HSPA13: variants seen among roughly 807,000 people sequenced by gnomAD.
HSPA13 encodes the protein heat shock 70 kDa protein 13.
In HSPA13, 29 loss-of-function variants were observed where a neutral mutation model predicts 38.8. That is an observed-to-expected ratio of 0.75 (90% CI 0.56 to 1.02). The LOEUF (loss-of-function observed/expected upper bound fraction) is 1.02, where lower values mean the gene tolerates loss of function less well. Ranked by LOEUF, HSPA13 falls within the 50% of genes least tolerant of loss-of-function variation. The pLI is 0.00. For missense variants in HSPA13, 451 were observed against 560.9 expected (o/e 0.80, Z 1.98); for synonymous variants, 192 against 205.3 (o/e 0.94, Z 0.56).
Position 14,373,805 on chromosome 21 carries a change from G to A in HSPA13, c.1228C>T (p.Arg410Cys), listed in dbSNP as rs1982886084. The change falls in exon 5 of 5, where the codon CGT becomes TGT. Residue 410 changes from arginine (R) to cysteine (C), a missense_variant. Arg to Cys is a radical substitution (Grantham distance 180, BLOSUM62 -3). Coordinates refer to ENST00000285667, the MANE Select transcript of HSPA13 (RefSeq NM_006948.5). The stretch of plus-strand genomic sequence containing the variant: ...ATGACTTGACGGATCCGAGGAATAC[G>A]AGTGGAGCCCCCAACTAAAACCACC... ...DEVVLVGGST[R>C]IPRIRQVIQE... The A allele has an allele frequency of 1.9e-6, 3 of 1,614,154 alleles. No individual in the cohort carries two copies. The highest frequency in any genetic ancestry group is 2.5e-6 in the Non-Finnish European group (3 of 1,180,026).
At chr21:14,374,736 G>A (rs2822640) in intron 4 of HSPA13, among the ~76,000 whole-genome samples, 24,460 of 152,102 alleles carry the variant, frequency 0.16, 2,147 homozygotes, top group Middle Eastern at 0.23. Flanking sequence ...TAGAGATTAA[G>A]AATACAGATT....
rs1270887613 is a variant in HSPA13 at position 14,374,353 on chromosome 21, G to A, written c.749-69C>T. On this transcript the variant is annotated intron_variant, in intron 4 of 4. Coordinates refer to ENST00000285667, the MANE Select transcript of HSPA13 (RefSeq NM_006948.5). The stretch of plus-strand genomic sequence containing the variant: ...TGTATGTATACACGTATGTTATTAT[G>A]TATACGTAAAAATTATATTCTGGGA... 7 of 1,087,688 alleles carry A rather than the reference G, an allele frequency of 6.4e-6. No homozygotes were observed. The Admixed American group carries it at 1.4e-4, about 22-fold the overall frequency. 67.4% of individuals were successfully genotyped at this position (1,087,688 alleles called of 1,614,324 possible).
In HSPA13 at chr21:14,372,277, G is replaced by A. The variant is rs568663057; in HGVS notation, c.*1340C>T. On this transcript the variant is annotated 3_prime_UTR_variant, in exon 5 of 5. Transcript: ENST00000285667. ...GGATATAATTTTTGAATAATATGAA[G>A]CATTCCTCTATTAAGGAAAATATGT... The A allele has an allele frequency of 1.2e-4, 18 of 151,910 alleles. No individual in the cohort carries two copies. The East Asian group carries it at 3.3e-3, about 28-fold the overall frequency. The allele number at this position is 151,910 out of a possible 1,614,324, so 9.4% of individuals were successfully genotyped here.
chr21:14,372,303 A>T lies in HSPA13; in HGVS notation c.*1314T>A, dbSNP rs1323535453. On this transcript the variant is annotated 3_prime_UTR_variant, in exon 5 of 5. Coordinates refer to ENST00000285667, the MANE Select transcript of HSPA13 (RefSeq NM_006948.5). ...CATTCCTCTATTAAGGAAAATATGT[A>T]TATATATATATAATCTGTATCCATA... The T allele has an allele frequency of 5.9e-5, 9 of 151,460 alleles. No homozygotes were observed. The highest frequency in any genetic ancestry group is 2.2e-4 in the African/African-American group (9 of 41,304). The allele number at this position is 151,460 out of a possible 1,614,324, so 9.4% of individuals were successfully genotyped here.
chr21:14,378,435 A>C, intron 2 of HSPA13, 23 bp from the exon 3 acceptor site: 1 of 1,483,496 alleles, frequency 6.7e-7, no homozygotes, highest in Non-Finnish European at 9.4e-7. Context: ...TTTGCAAATA[A>C]GTAAATAAAT....
Position 14,372,632 on chromosome 21 carries a change from A to G in HSPA13, c.*985T>C, listed in dbSNP as rs1047920304. Reference sequence around the variant, plus strand: ...TAATTGAGCACATTTTCCTCATTCAAAACTAAATATGAGGAAAAATCTCCG... The same window carrying G: ...TAATTGAGCACATTTTCCTCATTCAGAACTAAATATGAGGAAAAATCTCCG... On this transcript the variant is annotated 3_prime_UTR_variant, in exon 5 of 5. Coordinates refer to ENST00000285667, the MANE Select transcript of HSPA13 (RefSeq NM_006948.5). 2.6e-5 allele frequency: 4 copies of G among 152,190 alleles called. No homozygotes were observed. Among genetic ancestry groups the G allele is most frequent in the African/African-American group, 9.6e-5 (4 of 41,456 alleles). 9.4% of individuals were successfully genotyped at this position (152,190 alleles called of 1,614,324 possible). A position where few individuals can be genotyped will look rare whatever the true frequency, so the allele number is the denominator to read the frequency against.
At chr21:14,381,964 G>C (rs1984182107) in intron 1 of HSPA13, among the ~76,000 whole-genome samples, 1 of 151,964 alleles carries the variant, frequency 6.6e-6, no homozygotes, top group African/African-American at 2.4e-5. Context: ...TTTTTTAAAA[G>C]CTCCATTATT....
In HSPA13 at chr21:14,372,098, T is replaced by A. The variant is rs1165330296; in HGVS notation, c.*1519A>T. On this transcript the variant is annotated 3_prime_UTR_variant, in exon 5 of 5. Coordinates refer to ENST00000285667, the MANE Select transcript of HSPA13 (RefSeq NM_006948.5). Reference sequence around the variant, plus strand: ...TTAGATATGAAAAATATTAGTAACATTCAGCTTTTTACTATGAGAAGCTGA... The same window carrying A: ...TTAGATATGAAAAATATTAGTAACAATCAGCTTTTTACTATGAGAAGCTGA... The A allele has an allele frequency of 6.6e-6, 1 of 152,072 alleles. No individual in the cohort carries two copies. 9.4% of individuals were successfully genotyped at this position (152,072 alleles called of 1,614,324 possible).
intron 1 of HSPA13, 92 bp from the exon 2 acceptor site, chr21:14,381,635 A>G: frequency 1.6e-5 from 18 of 1,145,942 alleles, no homozygotes; most frequent in Non-Finnish European, 2.1e-5. Context: ...TCACTCGTTG[A>G]AACAAGGCTA....
rs1984005485 is a variant in HSPA13 at position 14,375,765 on chromosome 21, C to T, written c.635G>A (p.Gly212Asp). 1 of 1,613,918 alleles carries T rather than the reference C, an allele frequency of 6.2e-7. No individual in the cohort carries two copies. The highest frequency in any genetic ancestry group is 8.5e-7 in the Non-Finnish European group (1 of 1,179,944). Residue 212 changes from glycine (G) to aspartate (D), a missense_variant, in exon 4 of 5, where the codon GGT (glycine) becomes GAT (aspartate). Physicochemically the swap from Gly to Asp is moderately conservative, Grantham distance 94. Transcript: ENST00000285667. ...GTGGAAGACGTCAGCCTTGTGGAGA[C>T]CATAGGCCATAGCTGCTGCTGTGGG... ...NEPTAAAMAY[G>D]LHKADVFHVL...
rs1011246675 is a variant in HSPA13 at position 14,371,463 on chromosome 21, T to C, written c.*2154A>G. The C allele has an allele frequency of 6.6e-6, 1 of 152,178 alleles. No individual in the cohort carries two copies. The highest frequency in any genetic ancestry group is 1.9e-4 in the East Asian group (1 of 5,204). 9.4% of individuals were successfully genotyped at this position (152,178 alleles called of 1,614,324 possible). On this transcript the variant is annotated 3_prime_UTR_variant, in exon 5 of 5. Coordinates refer to ENST00000285667, the MANE Select transcript of HSPA13 (RefSeq NM_006948.5). The stretch of plus-strand genomic sequence containing the variant: ...CATAAATGATCCCTTTCAGGATGCA[T>C]TATCTTTTAAATAAATAAACTAAAT...
Position 14,372,186 on chromosome 21 carries a change from TC to T in HSPA13, c.*1430del, listed in dbSNP as rs1196754918. The T allele has an allele frequency of 2.0e-5, 3 of 151,920 alleles. No individual in the cohort carries two copies. The highest frequency in any genetic ancestry group is 4.4e-5 in the Non-Finnish European group (3 of 67,892). The allele number at this position is 151,920 out of a possible 1,614,324, so 9.4% of individuals were successfully genotyped here. A position where few individuals can be genotyped will look rare whatever the true frequency, so the allele number is the denominator to read the frequency against. On this transcript the variant is annotated 3_prime_UTR_variant, in exon 5 of 5. Transcript: ENST00000285667. ...TTTTTTGGTGACCAGCATTTCAACA[TC>T]CTATCGAATTCAGCAATGGATAAAG...
chr21:14,375,889 C>A, intron 3 of HSPA13, 70 bp from the exon 4 acceptor site: 3 of 1,259,960 alleles, frequency 2.4e-6, no homozygotes, highest in Non-Finnish European at 3.4e-6. Context: ...CCACTTACAG[C>A]ATGTTTGTGT....
chr21:14,382,352 C>T (rs1984191155), intron 1 of HSPA13, among the ~76,000 whole-genome samples: 1 of 151,944 alleles, frequency 6.6e-6, no homozygotes, highest in Non-Finnish European at 1.5e-5. Flanking sequence ...GGAACAAATG[C>T]CACGCAGATT....
Position 14,374,094 on chromosome 21 carries a change from C to T in HSPA13, c.939G>A (p.Val313=), listed in dbSNP as rs1286938400. 9 of 1,614,052 alleles carry T rather than the reference C, an allele frequency of 5.6e-6. No individual in the cohort carries two copies. The highest frequency in any genetic ancestry group is 2.2e-5 in the East Asian group (1 of 44,892). ...QSAQLSVLLT[V]EEQDRKEPHS... is the part of the protein sequence containing the mutation. ...GAGGTTCCTTCCTGTCCTGCTCCTCCACCGTTAGTAATACTGACAACTGAG... is the reference window on the plus strand; with the variant it reads ...GAGGTTCCTTCCTGTCCTGCTCCTCTACCGTTAGTAATACTGACAACTGAG... Residue 313 remains valine (V), a synonymous_variant, in exon 5 of 5, where the codon GTG becomes GTA. Coordinates refer to ENST00000285667, the MANE Select transcript of HSPA13 (RefSeq NM_006948.5).
At chr21:14,382,989 G>A in intron 1 of HSPA13, 106 bp downstream of exon 1, 2 of 1,328,622 alleles carry the variant, frequency 1.5e-6, no homozygotes, top group Admixed American at 1.7e-5. Flanking sequence ...CTCCCCTTCC[G>A]CTGCTCCAGC....
rs758172341 is a variant in HSPA13, at chr21:14,374,207, C to T, written c.826G>A (p.Gly276Ser). 2 of 1,613,190 alleles carry T rather than the reference C, an allele frequency of 1.2e-6. No individual in the cohort carries two copies. Among genetic ancestry groups the T allele is most frequent in the Admixed American group, 1.7e-5 (1 of 60,018 alleles). ...YLYKQIYQTY[G>S]FVPSRKEEIH... ...TCCTCTTTCCTAGAGGGCACGAAGC[C>T]ATATGTTTGATAGATCTGTTTATAT... Residue 276 changes from glycine (G) to serine (S), a missense_variant, in exon 5 of 5, where the codon GGC becomes AGC. Gly to Ser is a moderately conservative substitution (Grantham distance 56). Transcript: ENST00000285667.
In HSPA13 at chr21:14,373,529, T is replaced by C. The variant is rs1238350942; in HGVS notation, c.*88A>G. On this transcript the variant is annotated 3_prime_UTR_variant, in exon 5 of 5. Transcript: ENST00000285667. The stretch of plus-strand genomic sequence containing the variant: ...CCCTCTAGGTAAATCTGTGATATTT[T>C]AGAGACTTTCTTTTGTGGAAAAGGT... 2 of 1,167,044 alleles carry C rather than the reference T, an allele frequency of 1.7e-6. No homozygotes were observed. Among genetic ancestry groups the C allele is most frequent in the Non-Finnish European group, 2.4e-6 (2 of 839,454 alleles). The allele number at this position is 1,167,044 out of a possible 1,614,324, so 72.3% of individuals were successfully genotyped here.
rs1261204765 is a variant in HSPA13 at position 14,381,421 on chromosome 21, G to GA, written c.147dup (p.Pro50SerfsTer12). 1.2e-6 allele frequency: 2 copies of GA among 1,613,964 alleles called. No individual in the cohort carries two copies. Among genetic ancestry groups the GA allele is most frequent in the East Asian group, 2.2e-5 (1 of 44,866 alleles). On this transcript the variant is annotated frameshift_variant, in exon 2 of 5. Coordinates refer to ENST00000285667, the MANE Select transcript of HSPA13 (RefSeq NM_006948.5). LOFTEE classifies it high-confidence loss of function. Reference sequence around the variant, plus strand: ...ATCACCTTTACTTTTCCTGTGCCAGGAAAAAACACCCCAACAGAACAATAG... The same window carrying GA: ...ATCACCTTTACTTTTCCTGTGCCAGGAAAAAAACACCCCAACAGAACAATAG...
Sources: gnomAD v4.1 joint callset for allele counts (sites outside exome capture counted in the v4.1 genomes callset) on GRCh38, gnomAD v4.1.1 for gene constraint, MANE v1.5 for transcripts, NCBI Gene and HGNC (gene_info 2026-07-23, HGNC 2026-07-21) for gene names.